Variants in STT3B observed in about 807,000 individuals in gnomAD.
STT3B encodes dolichyl-diphosphooligosaccharide--protein glycosyltransferase subunit STT3B.
In STT3B, 29 loss-of-function variants were observed where a neutral mutation model predicts 96.8. That is an observed-to-expected ratio of 0.30 (90% CI 0.22 to 0.41). STT3B has a LOEUF of 0.41. Ranked by LOEUF, STT3B falls within the 10% of genes least tolerant of loss-of-function variation. STT3B has a pLI of 1.00. For missense variants in STT3B, 640 were observed against 1,022.3 expected (o/e 0.63, Z 5.10); for synonymous variants, 367 against 360.0 (o/e 1.02, Z -0.22).
chr3:31,613,599 A>G (rs1699233565), intron 5 of STT3B, among the ~76,000 whole-genome samples: 1 of 152,018 alleles, frequency 6.6e-6, no homozygotes, highest in Non-Finnish European at 1.5e-5. Flanking sequence ...GCTGTTAAGT[A>G]GTTGTAAGAT....
chr3:31,540,329 T>A (rs1293522477), intron 1 of STT3B, among the ~76,000 whole-genome samples: 2 of 151,606 alleles, frequency 1.3e-5, no homozygotes, highest in African/African-American at 4.8e-5. Context: ...TTTTACCTTG[T>A]TTGCTCATTC....
intron 5 of STT3B, among the ~76,000 whole-genome samples, chr3:31,603,662 G>C (rs917490267): frequency 6.6e-6 from 1 of 152,014 alleles, no homozygotes; most frequent in African/African-American, 2.4e-5. Context: ...ATCATACTTT[G>C]TGTTCATGTC....
intron 1 of STT3B, among the ~76,000 whole-genome samples, chr3:31,553,671 A>G (rs1697626196): frequency 6.6e-6 from 1 of 152,226 alleles, no homozygotes; most frequent in Non-Finnish European, 1.5e-5. Flanking sequence ...GTCAAACCTC[A>G]TCTAATGAAA....
chr3:31,536,051 CA>C (rs202061607), intron 1 of STT3B, among the ~76,000 whole-genome samples: 3 of 150,954 alleles, frequency 2.0e-5, no homozygotes, highest in East Asian at 1.9e-4. Context: ...AGGTTTCAGA[CA>C]AAAAAAATAC....
At chr3:31,569,231 ATCC>A (rs1698080978) in intron 1 of STT3B, among the ~76,000 whole-genome samples, 1 of 152,084 alleles carries the variant, frequency 6.6e-6, no homozygotes. Flanking sequence ...GGCTCAAGCA[ATCC>A]TCCTGCCTCA....
chr3:31,556,358 A>G (rs1697711312), intron 1 of STT3B, among the ~76,000 whole-genome samples: 1 of 152,184 alleles, frequency 6.6e-6, no homozygotes, highest in African/African-American at 2.4e-5. Context: ...TGCTGTAGTA[A>G]ACGTGTGAAC....
At chr3:31,615,417 A>AT (rs1699284472) in intron 6 of STT3B, among the ~76,000 whole-genome samples, 1 of 151,904 alleles carries the variant, frequency 6.6e-6, no homozygotes. Flanking sequence ...TAGTTATTTT[A>AT]TTTGTAACAT....
At chr3:31,610,053 G>T (rs910266037) in intron 5 of STT3B, among the ~76,000 whole-genome samples, 10 of 152,182 alleles carry the variant, frequency 6.6e-5, no homozygotes, top group Admixed American at 6.5e-5. Flanking sequence ...ATGTATGCCT[G>T]TTAAGTTAAT....
intron 7 of STT3B, 146 bp downstream of exon 7, chr3:31,617,221 T>A: frequency 1.8e-6 from 1 of 546,446 alleles, no homozygotes; most frequent in East Asian, 3.2e-5. Context: ...ATCTTAATTT[T>A]GTGGCATCAA....
intron 1 of STT3B, among the ~76,000 whole-genome samples, chr3:31,552,071 G>A (rs1229691610): frequency 6.6e-6 from 1 of 152,144 alleles, no homozygotes. Context: ...TCAACCTTGT[G>A]CGACCCTAAA....
At chr3:31,596,658 C>T (rs1449735230) in intron 3 of STT3B, 140 bp from the exon 4 acceptor site, 10 of 631,188 alleles carry the variant, frequency 1.6e-5, no homozygotes, top group Admixed American at 2.7e-5. Context: ...TGAAGTATGT[C>T]TGCATATCTG....
intron 1 of STT3B, among the ~76,000 whole-genome samples, chr3:31,533,845 C>G (rs1181134351): frequency 1.3e-5 from 2 of 152,204 alleles, no homozygotes; most frequent in Non-Finnish European, 2.9e-5. Flanking sequence ...GCCGGAACCC[C>G]GGCTGCTCAC....
chr3:31,551,342 A>G (rs912468160), intron 1 of STT3B, among the ~76,000 whole-genome samples: 2 of 152,010 alleles, frequency 1.3e-5, no homozygotes, highest in Admixed American at 1.3e-4. Context: ...TAGCCTCTCA[A>G]GTAGCTGGCA....
At position 31,622,215 on chromosome 3, in the gene STT3B, C is replaced by G. The variant is rs1287197511; in HGVS notation, c.1446C>G (p.His482Gln). ...TTGCCTTTTCAAATGTTTTTGAGCA[C>G]TATTTGGGGGATGACATGAAAAGGG... Reference protein sequence around the residue: ...SAIAFSNVFEHYLGDDMKREN... With the variant: ...SAIAFSNVFEQYLGDDMKREN... The change falls in exon 10 of 16, where the codon CAC becomes CAG. Residue 482 changes from histidine to glutamine, a missense_variant. By Grantham distance (24) the His-to-Gln change is conservative. Around this residue, in one of 8 missense-constraint regions of STT3B, gnomAD observed 149 missense variants for 250.2 expected, o/e 0.60. Coordinates refer to ENST00000295770, the MANE Select transcript of STT3B (RefSeq NM_178862.3). 1 of 1,613,920 alleles carries G rather than the reference C, an allele frequency of 6.2e-7. No homozygotes were observed. The highest frequency in any genetic ancestry group is 8.5e-7 in the Non-Finnish European group (1 of 1,179,962).
At chr3:31,568,481 A>T (rs895348633) in intron 1 of STT3B, among the ~76,000 whole-genome samples, 1 of 152,142 alleles carries the variant, frequency 6.6e-6, no homozygotes, top group Non-Finnish European at 1.5e-5. Flanking sequence ...CACCAACAGT[A>T]TAGGACTGTT....
chr3:31,620,990 A>G (rs1313648411), intron 9 of STT3B, among the ~76,000 whole-genome samples: 1 of 152,246 alleles, frequency 6.6e-6, no homozygotes, highest in African/African-American at 2.4e-5. Context: ...CAGTAATCCC[A>G]TTCCTATGTA....
chr3:31,549,271 A>G (rs1380845040), intron 1 of STT3B, among the ~76,000 whole-genome samples: 2 of 151,484 alleles, frequency 1.3e-5, no homozygotes, highest in Middle Eastern at 6.8e-3. Context: ...TTTTTTTCAA[A>G]TGGGACAGTT....
rs369100264 is a variant in STT3B, at chr3:31,611,905, T to G, written c.878-3200T>G. On this transcript the variant is annotated intron_variant, in intron 5 of 15. Coordinates refer to ENST00000295770, the MANE Select transcript of STT3B (RefSeq NM_178862.3). Reference sequence around the variant, plus strand: ...AAAATGTAGATTTGTAAATGAGATTTAAATTGAGATATAGCAATATATGTG... The same window carrying G: ...AAAATGTAGATTTGTAAATGAGATTGAAATTGAGATATAGCAATATATGTG... 1.3e-4 allele frequency among the ~76,000 whole-genome samples: 20 copies of G among 152,318 alleles called. No individual in the cohort carries two copies. The East Asian group carries it at 2.5e-3, about 19-fold the overall frequency.
chr3:31,576,390 C>A lies in STT3B; in HGVS notation c.315-6C>A. 1 of 1,520,954 alleles carries A rather than the reference C, an allele frequency of 6.6e-7. No homozygotes were observed. Among genetic ancestry groups the A allele is most frequent in the Admixed American group, 2.0e-5 (1 of 50,968 alleles). The allele number at this position is 1,520,954 out of a possible 1,614,324, so 94.2% of individuals were successfully genotyped here. On this transcript the variant is annotated splice_polypyrimidine_tract_variant and splice_region_variant and intron_variant, in intron 1 of 15. Coordinates refer to ENST00000295770, the MANE Select transcript of STT3B (RefSeq NM_178862.3). ...TATAACATTTCTTTTTATCTCTTTT[C>A]TCTAGGTTTAACTATAGATCAACAC...
Sources: allele counts gnomAD v4.1 joint callset (sites outside exome capture counted in the v4.1 genomes callset), GRCh38; gene constraint gnomAD v4.1.1; regional missense constraint gnomAD v4.1.1; transcripts MANE v1.5; gene names NCBI Gene and HGNC (gene_info 2026-07-23, HGNC 2026-07-21).